The following CDH10 variants were observed in gnomAD, a reference collection of about 807,000 sequenced individuals.
The protein encoded by CDH10 is cadherin 10.
CDH10 carries 30 observed loss-of-function variants against 73.1 expected under a neutral mutation model. That is an observed-to-expected ratio of 0.41 (90% CI 0.31 to 0.56). The LOEUF (loss-of-function observed/expected upper bound fraction) is 0.56, where lower values mean the gene tolerates loss of function less well. Among genes scored for constraint, CDH10 ranks in the 20% least tolerant of loss-of-function variants. The probability of loss-of-function intolerance (pLI) is 0.27; values close to 1 mark genes in which losing one functional copy is unlikely to be tolerated. For synonymous variants in CDH10, 345 were observed against 348.2 expected (o/e 0.99, Z 0.10); for missense variants, 815 against 973.7 (o/e 0.84, Z 2.17).
At chr5:24,574,191 T>C (rs1306982287) in intron 2 of CDH10, among the ~76,000 whole-genome samples, 1 of 152,140 alleles carries the variant, frequency 6.6e-6, no homozygotes, top group African/African-American at 2.4e-5. Flanking sequence ...CGGCCTATCA[T>C]AGTATATTAA....
intron 2 of CDH10, among the ~76,000 whole-genome samples, chr5:24,558,220 A>G (rs1744835554): frequency 6.6e-6 from 1 of 151,692 alleles, no homozygotes; most frequent in Admixed American, 6.6e-5. Flanking sequence ...AATTTCTGTA[A>G]TGGAGGCTGT....
At position 24,524,968 on chromosome 5, in the gene CDH10, C is replaced by G. The variant is rs16893484; in HGVS notation, c.814+10144G>C. 5.0e-3 allele frequency among the ~76,000 whole-genome samples: 755 copies of G among 152,092 alleles called. 9 individuals carry two copies. The highest frequency in any genetic ancestry group is 0.017 in the African/African-American group (713 of 41,520). On this transcript the variant is annotated intron_variant, in intron 5 of 11. Coordinates refer to ENST00000264463, the MANE Select transcript of CDH10 (RefSeq NM_006727.5). ...TTCACTTCTTCTACCAAAATTTGAT[C>G]AATAGGACCTTTGCACTTGAATATT...
chr5:24,630,550 TAA>T lies in CDH10; in HGVS notation c.-124+14042_-124+14043del, dbSNP rs11385411. Among the ~76,000 whole-genome samples, 156 of 132,942 alleles carry T rather than the reference TAA, an allele frequency of 1.2e-3. 1 individual carries two copies. The highest frequency in any genetic ancestry group is 4.0e-3 in the African/African-American group (137 of 34,564). 87.2% of individuals were successfully genotyped at this position (132,942 alleles called of 152,430 possible). A position where few individuals can be genotyped will look rare whatever the true frequency, so the allele number is the denominator to read the frequency against. On this transcript the variant is annotated intron_variant, in intron 1 of 11. Transcript: ENST00000264463. ...CCCTGGTGACAAAAAGAGATCATCT[TAA>T]AAAAAAAAAAAAAAGAATATCAAGA...
intron 10 of CDH10, among the ~76,000 whole-genome samples, chr5:24,492,358 T>C (rs1742089202): frequency 1.3e-5 from 2 of 152,338 alleles, no homozygotes; most frequent in Non-Finnish European, 2.9e-5. Context: ...CATCTTGCCA[T>C]TGCAACAGTA....
At chr5:24,599,650 T>G (rs1489552453) in intron 1 of CDH10, among the ~76,000 whole-genome samples, 1 of 152,078 alleles carries the variant, frequency 6.6e-6, no homozygotes, top group Non-Finnish European at 1.5e-5. Flanking sequence ...TACATGACAC[T>G]CATTGGTGAA....
At chr5:24,561,728 T>C (rs920174429) in intron 2 of CDH10, among the ~76,000 whole-genome samples, 3 of 152,154 alleles carry the variant, frequency 2.0e-5, no homozygotes, top group African/African-American at 7.2e-5. Context: ...AACCACAGCA[T>C]AAGACAACCA....
intron 1 of CDH10, among the ~76,000 whole-genome samples, chr5:24,602,445 T>G (rs1291432618): frequency 6.6e-6 from 1 of 152,150 alleles, no homozygotes; most frequent in Non-Finnish European, 1.5e-5. Context: ...TGCTCAGCAT[T>G]TCCTGTCTTC....
At chr5:24,569,229 T>TA (rs1182849791) in intron 2 of CDH10, among the ~76,000 whole-genome samples, 2 of 152,150 alleles carry the variant, frequency 1.3e-5, no homozygotes, top group Non-Finnish European at 2.9e-5. Context: ...GAAAATAGCA[T>TA]AGTGGTTACT....
intron 1 of CDH10, among the ~76,000 whole-genome samples, chr5:24,629,695 C>T (rs1579487205): frequency 6.6e-6 from 1 of 152,058 alleles, no homozygotes. Flanking sequence ...TTATAAGGGG[C>T]TCTTCCCTCT....
intron 1 of CDH10, among the ~76,000 whole-genome samples, chr5:24,633,331 A>C (rs965335574): frequency 3.3e-5 from 5 of 151,850 alleles, no homozygotes; most frequent in African/African-American, 1.2e-4. Context: ...AAGAGGCTTG[A>C]TATTTGGTGA....
chr5:24,634,771 C>T (rs1488026156), intron 1 of CDH10, among the ~76,000 whole-genome samples: 1 of 151,532 alleles, frequency 6.6e-6, no homozygotes, highest in Non-Finnish European at 1.5e-5. Context: ...GTATGCCCTA[C>T]CAGTATGTGA....
chr5:24,557,038 A>G (rs761855054), intron 2 of CDH10, among the ~76,000 whole-genome samples: 21 of 151,838 alleles, frequency 1.4e-4, no homozygotes, highest in Non-Finnish European at 2.4e-4. Context: ...TTGCCTAGAC[A>G]AACTCATTTG....
chr5:24,519,947 C>T (rs112153468), intron 5 of CDH10, among the ~76,000 whole-genome samples: 2 of 152,124 alleles, frequency 1.3e-5, no homozygotes, highest in African/African-American at 4.8e-5. Context: ...TCTTGGTGCC[C>T]CCCAGCTTGT....
intron 2 of CDH10, among the ~76,000 whole-genome samples, chr5:24,563,577 C>A (rs1174883121): frequency 7.6e-6 from 1 of 131,506 alleles, no homozygotes; most frequent in African/African-American, 2.9e-5. Flanking sequence ...CACGGTGAAA[C>A]CCCGTCTCTA....
intron 1 of CDH10, among the ~76,000 whole-genome samples, chr5:24,597,338 C>A (rs1201378469): frequency 6.6e-6 from 1 of 152,138 alleles, no homozygotes; most frequent in Non-Finnish European, 1.5e-5. Flanking sequence ...GGACCATGTG[C>A]TTTGACTGGC....
In CDH10 at chr5:24,495,966, T is replaced by C. The variant is rs151265830; in HGVS notation, c.1515+2432A>G. ...TTGATTTCTATTTTCACTGGGCTAT[T>C]CTGAAATAATCTTAAGGAATGCTTC... On this transcript the variant is annotated intron_variant, in intron 9 of 11. Transcript: ENST00000264463. Among the ~76,000 whole-genome samples, 624 of 152,284 alleles carry C rather than the reference T, an allele frequency of 4.1e-3. 6 individuals carry two copies. Among genetic ancestry groups the C allele is most frequent in the African/African-American group, 0.014 (581 of 41,544 alleles).
intron 1 of CDH10, among the ~76,000 whole-genome samples, chr5:24,604,228 T>C (rs187750810): frequency 3.9e-4 from 59 of 152,102 alleles, no homozygotes; most frequent in African/African-American, 1.4e-3. Flanking sequence ...CACAGGCCTG[T>C]AGTAGCTACT....
intron 8 of CDH10, among the ~76,000 whole-genome samples, chr5:24,499,735 T>A (rs74291175): frequency 0.7 from 105,410 of 151,510 alleles, 38,104 homozygotes; most frequent in Non-Finnish European, 0.79. Context: ...ATATGTAAAT[T>A]AATAAAAATA....
At chr5:24,610,325 T>G (rs1746901736) in intron 1 of CDH10, among the ~76,000 whole-genome samples, 1 of 152,226 alleles carries the variant, frequency 6.6e-6, no homozygotes, top group African/African-American at 2.4e-5. Flanking sequence ...ATTAAATAGC[T>G]TCTTAAATAT....
Sources: gnomAD v4.1 joint callset for allele counts (sites outside exome capture counted in the v4.1 genomes callset) on GRCh38, gnomAD v4.1.1 for gene constraint, MANE v1.5 for transcripts, NCBI Gene and HGNC (gene_info 2026-07-23, HGNC 2026-07-21) for gene names.